Variants in GRK5 observed in about 807,000 individuals in gnomAD.
The protein encoded by GRK5 is G protein-coupled receptor kinase 5.
Under a neutral mutation model 78.4 loss-of-function variants are expected in GRK5, and 40 were observed. That is an observed-to-expected ratio of 0.51 (90% CI 0.40 to 0.66). The LOEUF (loss-of-function observed/expected upper bound fraction) is 0.66. GRK5 is among the 30% of genes least tolerant of loss of function. GRK5 has a pLI of 0.00. For missense variants in GRK5, 598 were observed against 759.9 expected (o/e 0.79, Z 2.50); for synonymous variants, 289 against 296.8 (o/e 0.97, Z 0.27).
chr10:119,209,908 T>G (rs1848459100), intron 1 of GRK5, among the ~76,000 whole-genome samples: 1 of 152,218 alleles, frequency 6.6e-6, no homozygotes, highest in South Asian at 2.1e-4. Context: ...AATGCTTTGC[T>G]TAGAGTGGGC....
rs999867248 is a variant in GRK5 at position 119,217,878 on chromosome 10, C to T, written c.52+9909C>T. Among the ~76,000 whole-genome samples the T allele has an allele frequency of 1.3e-5, 2 of 152,152 alleles. No homozygotes were observed. The highest frequency in any genetic ancestry group is 2.9e-5 in the Non-Finnish European group (2 of 68,024). The stretch of plus-strand genomic sequence containing the variant: ...GCTCAGGTTTCTGCAGCTCTCTTTA[C>T]TTACTACCCAAGTAGGGGGTTAGAG... On this transcript the variant is annotated intron_variant, in intron 1 of 15. Transcript: ENST00000392870. This position sits in a 1 kb window ranked among gnomAD's most constrained non-coding sequence, Gnocchi z 4.1.
chr10:119,219,279 G>GCTT (rs1324338927), intron 1 of GRK5, among the ~76,000 whole-genome samples: 2 of 152,108 alleles, frequency 1.3e-5, no homozygotes, highest in African/African-American at 2.4e-5. Flanking sequence ...CACCATCATA[G>GCTT]CTTAGCTCAC....
At position 119,264,174 on chromosome 10, in the gene GRK5, G is replaced by A. The variant is rs1267535036; in HGVS notation, c.52+56205G>A. ...CCTTGAATGCTCTCCATTGACATTTGCAACTTGTTTCTGTGTAATTTTGCA... is the reference window on the plus strand; with the variant it reads ...CCTTGAATGCTCTCCATTGACATTTACAACTTGTTTCTGTGTAATTTTGCA... On this transcript the variant is annotated intron_variant, in intron 1 of 15. Coordinates refer to ENST00000392870, the MANE Select transcript of GRK5 (RefSeq NM_005308.3). This position sits in a 1 kb window ranked among gnomAD's most constrained non-coding sequence, Gnocchi z 4.1. Among the ~76,000 whole-genome samples the A allele has an allele frequency of 6.6e-6, 1 of 152,132 alleles. No homozygotes were observed. The highest frequency in any genetic ancestry group is 6.5e-5 in the Admixed American group (1 of 15,274).
rs1209184406 is a variant in GRK5, at chr10:119,454,084, C to T, written c.1674+808C>T. 2.0e-5 allele frequency among the ~76,000 whole-genome samples: 3 copies of T among 152,354 alleles called. No homozygotes were observed. The East Asian group carries it at 5.8e-4, about 29-fold the overall frequency. ...ACCTAGTTCTGCTCCTTCCTCCTCT[C>T]CACAAAGAGCCAGCTCCAGGATGGA... On this transcript the variant is annotated intron_variant, in intron 15 of 15. Coordinates refer to ENST00000392870, the MANE Select transcript of GRK5 (RefSeq NM_005308.3).
intron 1 of GRK5, among the ~76,000 whole-genome samples, chr10:119,285,928 T>C (rs1233074258): frequency 1.3e-5 from 2 of 151,652 alleles, no homozygotes; most frequent in Non-Finnish European, 2.9e-5. Context: ...GTCTGCAAAA[T>C]GGGGCTCATA....
chr10:119,381,059 C>G, intron 3 of GRK5, 132 bp downstream of exon 3: 1 of 591,048 alleles, frequency 1.7e-6, no homozygotes. Context: ...ACTCCCACTA[C>G]AGACTTTGAT....
intron 5 of GRK5, 113 bp from the exon 6 acceptor site, chr10:119,424,880 G>A: frequency 1.3e-6 from 1 of 754,916 alleles, no homozygotes; most frequent in Non-Finnish European, 2.4e-6. Context: ...TGCTGCATCT[G>A]CATGGGTTGA....
chr10:119,291,199 T>A (rs528281824), intron 1 of GRK5, among the ~76,000 whole-genome samples: 1 of 152,282 alleles, frequency 6.6e-6, no homozygotes, highest in Non-Finnish European at 1.5e-5. Flanking sequence ...ATGTTTCGTG[T>A]AGACTGATCC....
chr10:119,426,517 G>C (rs1852679523), intron 6 of GRK5, among the ~76,000 whole-genome samples: 1 of 152,220 alleles, frequency 6.6e-6, no homozygotes, highest in Admixed American at 6.5e-5. Context: ...GTCCTCATTT[G>C]TAAAATGTGG....
chr10:119,335,716 C>T (rs1850874098), intron 2 of GRK5, among the ~76,000 whole-genome samples: 1 of 152,252 alleles, frequency 6.6e-6, no homozygotes, highest in African/African-American at 2.4e-5. Context: ...TAAGCTCCTC[C>T]TCTGTGCTAG....
At chr10:119,349,286 G>A (rs148666647) in intron 2 of GRK5, among the ~76,000 whole-genome samples, 14 of 152,328 alleles carry the variant, frequency 9.2e-5, no homozygotes, top group African/African-American at 7.2e-5. Context: ...AGCAGAGAGG[G>A]AGGACAGCCG....
chr10:119,310,060 C>T (rs577851697), intron 1 of GRK5, among the ~76,000 whole-genome samples: 144 of 152,264 alleles, frequency 9.5e-4, no homozygotes, highest in African/African-American at 3.0e-3. Flanking sequence ...TGTGTGTACA[C>T]GGTCATGTCC....
At chr10:119,261,087 C>T (rs1369136563) in intron 1 of GRK5, among the ~76,000 whole-genome samples, 1 of 93,508 alleles carries the variant, frequency 1.1e-5, no homozygotes, top group East Asian at 3.5e-4. Flanking sequence ...CGGAGACGCT[C>T]CTCACTTCCC....
At chr10:119,365,838 C>T (rs969031174) in intron 2 of GRK5, among the ~76,000 whole-genome samples, 1 of 152,240 alleles carries the variant, frequency 6.6e-6, no homozygotes, top group African/African-American at 2.4e-5. Context: ...CACTCCGCTT[C>T]CTGTGTAGCA....
chr10:119,453,419 A>G lies in GRK5; in HGVS notation c.1674+143A>G, dbSNP rs1346344469. 17 of 931,994 alleles carry G rather than the reference A, an allele frequency of 1.8e-5. No individual in the cohort carries two copies. The Admixed American group carries it at 4.1e-4, about 22-fold the overall frequency. The allele number at this position is 931,994 out of a possible 1,614,324, so 57.7% of individuals were successfully genotyped here. A position where few individuals can be genotyped will look rare whatever the true frequency, so the allele number is the denominator to read the frequency against. On this transcript the variant is annotated intron_variant, in intron 15 of 15. Transcript: ENST00000392870. ...TAGCAGCTTGGAAGGGCAACTGATT[A>G]TGTCCAAGGCCCCTGATACCCACGG...
chr10:119,294,223 G>A (rs1231644888), intron 1 of GRK5, among the ~76,000 whole-genome samples: 1 of 152,166 alleles, frequency 6.6e-6, no homozygotes, highest in Non-Finnish European at 1.5e-5. Context: ...GCATATTTCA[G>A]AACCTGTCCT....
chr10:119,433,074 C>G (rs1024777430), intron 8 of GRK5, among the ~76,000 whole-genome samples: 2 of 152,150 alleles, frequency 1.3e-5, no homozygotes, highest in Non-Finnish European at 2.9e-5. Flanking sequence ...TTGTTAAAAA[C>G]AAAACAAAAC....
intron 15 of GRK5, among the ~76,000 whole-genome samples, chr10:119,454,116 C>G (rs1853353288): frequency 6.6e-6 from 1 of 152,236 alleles, no homozygotes; most frequent in Non-Finnish European, 1.5e-5. Context: ...TGGACACACT[C>G]AGCCAGTGAT....
chr10:119,263,642 G>A (rs1849447114), intron 1 of GRK5, among the ~76,000 whole-genome samples: 1 of 152,140 alleles, frequency 6.6e-6, no homozygotes, highest in Non-Finnish European at 1.5e-5. Flanking sequence ...ACCTAGTTGA[G>A]GCCAGGCGCA....
Sources: gnomAD v4.1 joint callset for allele counts (sites outside exome capture counted in the v4.1 genomes callset) on GRCh38, gnomAD v4.1.1 for gene constraint, Gnocchi (gnomAD v3.1) non-coding constraint, MANE v1.5 for transcripts, NCBI Gene and HGNC (gene_info 2026-07-23, HGNC 2026-07-21) for gene names.